Variants in PTPRD observed in about 807,000 individuals in gnomAD.
The protein encoded by PTPRD is protein tyrosine phosphatase receptor type D.
A neutral mutation model predicts 214.5 loss-of-function variants in PTPRD; 34 were observed. The ratio of observed to expected loss-of-function variants is 0.16; its 90% confidence interval spans 0.12 to 0.21. PTPRD has a LOEUF of 0.21. PTPRD is among the 10% of genes least tolerant of loss of function. PTPRD has a pLI of 1.00. For missense variants in PTPRD, 2,545 were observed against 2,398.7 expected (o/e 1.06, Z -1.27); for synonymous variants, 1,128 against 845.7 (o/e 1.33, Z -5.79).
chr9:9,269,681 A>T (rs1941971148), intron 9 of PTPRD, among the ~76,000 whole-genome samples: 1 of 151,452 alleles, frequency 6.6e-6, no homozygotes, highest in Admixed American at 6.6e-5. Flanking sequence ...AGCATTAAGA[A>T]ATAAGAAAAT....
At chr9:8,404,271 G>A (rs1374329725) in intron 36 of PTPRD, among the ~76,000 whole-genome samples, 1 of 152,122 alleles carries the variant, frequency 6.6e-6, no homozygotes, top group Non-Finnish European at 1.5e-5. Flanking sequence ...TGGGATTACA[G>A]GCGCCCACCA....
intron 7 of PTPRD, among the ~76,000 whole-genome samples, chr9:9,674,158 C>T (rs554925518): frequency 5.3e-5 from 8 of 151,568 alleles, no homozygotes; most frequent in African/African-American, 1.9e-4. Context: ...TAAAAATGAA[C>T]AAAAGTAAAA....
intron 6 of PTPRD, among the ~76,000 whole-genome samples, chr9:9,755,243 C>A (rs1388128334): frequency 6.6e-6 from 1 of 151,824 alleles, no homozygotes; most frequent in Non-Finnish European, 1.5e-5. Flanking sequence ...TCCCAGTGTA[C>A]CAAGGGGTGA....
intron 9 of PTPRD, among the ~76,000 whole-genome samples, chr9:9,352,325 A>ATT (rs200786174): frequency 2.1e-5 from 3 of 142,594 alleles, no homozygotes. Flanking sequence ...ATATATATAT[A>ATT]TATGTGTGTG....
At chr9:9,433,013 T>C (rs1020757108) in intron 8 of PTPRD, among the ~76,000 whole-genome samples, 1 of 152,156 alleles carries the variant, frequency 6.6e-6, no homozygotes, top group Non-Finnish European at 1.5e-5. Context: ...GTATAATATG[T>C]GTGTGTTTCC....
chr9:9,376,285 C>A (rs917665772), intron 9 of PTPRD, among the ~76,000 whole-genome samples: 3 of 152,140 alleles, frequency 2.0e-5, no homozygotes. Flanking sequence ...TGGATGACCA[C>A]TAATGCAAGA....
chr9:9,842,298 A>ATTTTTTTTTTTTTT (rs138386194), intron 5 of PTPRD, among the ~76,000 whole-genome samples: 1 of 91,400 alleles, frequency 1.1e-5, no homozygotes, highest in Non-Finnish European at 2.0e-5. Context: ...GAAGGAGAGC[A>ATTTTTTTTTTTTTT]TTTTTTTTTT....
chr9:9,875,341 T>C (rs1051360121), intron 5 of PTPRD, among the ~76,000 whole-genome samples: 1 of 152,092 alleles, frequency 6.6e-6, no homozygotes, highest in Non-Finnish European at 1.5e-5. Flanking sequence ...TACAGTACCC[T>C]AGCCTGGATG....
intron 3 of PTPRD, among the ~76,000 whole-genome samples, chr9:10,121,968 G>A (rs909961904): frequency 7.2e-5 from 11 of 152,150 alleles, no homozygotes; most frequent in African/African-American, 2.7e-4. Context: ...CACACTCAGT[G>A]TATTTCTGAG....
chr9:9,824,003 C>T (rs1465791343), intron 5 of PTPRD, among the ~76,000 whole-genome samples: 1 of 151,898 alleles, frequency 6.6e-6, no homozygotes, highest in South Asian at 2.1e-4. Flanking sequence ...AACTATTATG[C>T]ATTCATAAAA....
chr9:9,300,502 C>T (rs1034283353), intron 9 of PTPRD, among the ~76,000 whole-genome samples: 1 of 151,700 alleles, frequency 6.6e-6, no homozygotes, highest in South Asian at 2.1e-4. Context: ...TGTGTTCCCC[C>T]CAAATTCATG....
Position 10,543,085 on chromosome 9 carries a change from A to T in PTPRD, c.-600+69313T>A, listed in dbSNP as rs1434768948. Among the ~76,000 whole-genome samples, 4 of 151,982 alleles carry T rather than the reference A, an allele frequency of 2.6e-5. No individual in the cohort carries two copies. In the East Asian group the frequency reaches 5.8e-4, roughly 22 times the overall value. The stretch of plus-strand genomic sequence containing the variant: ...TTTTTAGTAGAGATGGGGCTTATCC[A>T]CGTTGGTCGCACTGGTCCTGAACTC... On this transcript the variant is annotated intron_variant, in intron 2 of 45. Transcript: ENST00000381196.
intron 5 of PTPRD, among the ~76,000 whole-genome samples, chr9:9,832,585 G>A (rs542495515): frequency 6.6e-6 from 1 of 151,842 alleles, no homozygotes; most frequent in Non-Finnish European, 1.5e-5. Context: ...ATACTTCTAG[G>A]GTAATTTAGG....
chr9:10,230,430 A>C (rs1048907219), intron 3 of PTPRD, among the ~76,000 whole-genome samples: 1 of 128,796 alleles, frequency 7.8e-6, no homozygotes, highest in Admixed American at 8.6e-5. Context: ...GTATCTATGT[A>C]TCTATGTATC....
At chr9:10,095,176 T>A (rs905415525) in intron 3 of PTPRD, among the ~76,000 whole-genome samples, 1 of 151,502 alleles carries the variant, frequency 6.6e-6, no homozygotes, top group Non-Finnish European at 1.5e-5. Context: ...CCTCAAATAG[T>A]AGAGAAATTC....
chr9:9,323,269 A>G lies in PTPRD; in HGVS notation c.-203+74180T>C, dbSNP rs561162948. ...AAAAAAGACAAAGACAAGACTTCAT[A>G]TGATTTGTTAAATCGATAATAATGC... On this transcript the variant is annotated intron_variant, in intron 9 of 45. Coordinates refer to ENST00000381196, the MANE Select transcript of PTPRD (RefSeq NM_002839.4). Among the ~76,000 whole-genome samples, 11 of 152,054 alleles carry G rather than the reference A, an allele frequency of 7.2e-5. 1 individual carries two copies. In the East Asian group the frequency reaches 1.2e-3, roughly 16 times the overall value.
chr9:9,693,286 A>T (rs2097307920), intron 7 of PTPRD, among the ~76,000 whole-genome samples: 1 of 152,060 alleles, frequency 6.6e-6, no homozygotes, highest in African/African-American at 2.4e-5. Flanking sequence ...GTGAGAAGTG[A>T]CTGGGTTAGG....
intron 11 of PTPRD, among the ~76,000 whole-genome samples, chr9:8,831,348 G>A (rs754579383): frequency 6.6e-6 from 1 of 152,074 alleles, no homozygotes; most frequent in Non-Finnish European, 1.5e-5. Flanking sequence ...AAACAATCTC[G>A]CTTACTCTGT....
At chr9:10,170,612 G>A (rs768277073) in intron 3 of PTPRD, among the ~76,000 whole-genome samples, 3 of 152,186 alleles carry the variant, frequency 2.0e-5, no homozygotes, top group Non-Finnish European at 4.4e-5. Flanking sequence ...ATGTGAACCC[G>A]GGAGGCGGAG....
Sources: allele counts gnomAD v4.1 joint callset (sites outside exome capture counted in the v4.1 genomes callset), GRCh38; gene constraint gnomAD v4.1.1; transcripts MANE v1.5; gene names NCBI Gene and HGNC (gene_info 2026-07-23, HGNC 2026-07-21).